SNX29: variants seen among roughly 807,000 people sequenced by gnomAD.
The protein encoded by SNX29 is sorting nexin-29.
A neutral mutation model predicts 102.1 loss-of-function variants in SNX29; 78 were observed. That is an observed-to-expected ratio of 0.76 (90% CI 0.64 to 0.92). SNX29 has a LOEUF of 0.92. Ranked by LOEUF, SNX29 falls within the 40% of genes least tolerant of loss-of-function variation. SNX29 has a pLI of 0.00. For missense variants in SNX29, 1,280 were observed against 1,061.7 expected (o/e 1.21, Z -2.86); for synonymous variants, 580 against 414.5 (o/e 1.40, Z -4.85).
chr16:12,042,167 A>T (rs908241385), intron 4 of SNX29, among the ~76,000 whole-genome samples: 3 of 152,036 alleles, frequency 2.0e-5, no homozygotes, highest in African/African-American at 7.2e-5. Flanking sequence ...GGTAGGTGGG[A>T]TTACAGGTGT....
intron 20 of SNX29, 109 bp downstream of exon 20, chr16:12,524,950 A>G (rs952790606): frequency 5.4e-6 from 8 of 1,474,828 alleles, no homozygotes; most frequent in South Asian, 5.3e-5. Flanking sequence ...CCTGATCGCC[A>G]TGGGACCCAG....
At chr16:12,012,672 G>T (rs2056693409) in intron 3 of SNX29, among the ~76,000 whole-genome samples, 1 of 152,102 alleles carries the variant, frequency 6.6e-6, no homozygotes, top group Non-Finnish European at 1.5e-5. Flanking sequence ...CTCCCAAAGT[G>T]CTGGGATTAC....
At chr16:12,203,098 G>A (rs374917408) in intron 14 of SNX29, among the ~76,000 whole-genome samples, 5 of 149,446 alleles carry the variant, frequency 3.3e-5, no homozygotes, top group African/African-American at 1.3e-4. Flanking sequence ...GTGTAGTGTG[G>A]CCCCATTCTC....
intron 15 of SNX29, among the ~76,000 whole-genome samples, chr16:12,348,003 C>T (rs1259917570): frequency 6.6e-6 from 1 of 152,002 alleles, no homozygotes; most frequent in Admixed American, 6.5e-5. Flanking sequence ...TGCTTGAACC[C>T]AGGAGGTCGA....
chr16:12,552,357 C>G (rs1310060087), intron 20 of SNX29, among the ~76,000 whole-genome samples: 2 of 152,104 alleles, frequency 1.3e-5, no homozygotes, highest in East Asian at 1.9e-4. Context: ...GTTTAATAAG[C>G]CAATACACGT....
In SNX29 at chr16:12,295,166, T is replaced by C. The variant is rs566600395; in HGVS notation, c.1782+17130T>C. ...GAATTATGGGAGCTACAAGTCAAGATGAGATTTGGGCCGGGGCACACCTAA... is the reference window on the plus strand; with the variant it reads ...GAATTATGGGAGCTACAAGTCAAGACGAGATTTGGGCCGGGGCACACCTAA... On this transcript the variant is annotated intron_variant, in intron 15 of 20. Transcript: ENST00000566228. 5.3e-5 allele frequency among the ~76,000 whole-genome samples: 8 copies of C among 152,344 alleles called. No individual in the cohort carries two copies. In the South Asian group the frequency reaches 1.2e-3, roughly 24 times the overall value.
chr16:12,087,471 T>C (rs2151383131), intron 11 of SNX29: 1 of 227,512 alleles, frequency 4.4e-6, no homozygotes, highest in African/African-American at 2.2e-5. Context: ...GTGGCACATG[T>C]CTGTGGACTC....
rs781168749 is a variant in SNX29 at position 12,573,333 on chromosome 16, A to T, written c.*4704A>T. 4.4e-6 allele frequency: 1 copy of T among 225,830 alleles called. No individual in the cohort carries two copies. Among genetic ancestry groups the T allele is most frequent in the African/African-American group, 2.2e-5 (1 of 45,048 alleles). 14.0% of individuals were successfully genotyped at this position (225,830 alleles called of 1,614,324 possible). ...CGATTTGGGTACTCTGAATTATGTC[A>T]TGGAGTAGACAGTTACTTCTAAATC... On this transcript the variant is annotated 3_prime_UTR_variant, in exon 21 of 21. Coordinates refer to ENST00000566228, the MANE Select transcript of SNX29 (RefSeq NM_032167.5).
At chr16:12,492,286 A>G (rs376781979) in intron 19 of SNX29, among the ~76,000 whole-genome samples, 8 of 152,162 alleles carry the variant, frequency 5.3e-5, no homozygotes, top group African/African-American at 1.7e-4. Flanking sequence ...GCCAGTGATG[A>G]TGAGCATTTT....
At chr16:12,515,125 G>C (rs931049152) in intron 19 of SNX29, among the ~76,000 whole-genome samples, 1 of 152,136 alleles carries the variant, frequency 6.6e-6, no homozygotes, top group Non-Finnish European at 1.5e-5. Context: ...ACATAGTCCT[G>C]TGGGAGGGCT....
intron 13 of SNX29, among the ~76,000 whole-genome samples, chr16:12,196,625 T>TC (rs1203728357): frequency 2.7e-4 from 40 of 146,796 alleles, no homozygotes; most frequent in African/African-American, 8.4e-4. Context: ...CTTTTTTCTT[T>TC]TTTTTTTTTT....
intron 15 of SNX29, among the ~76,000 whole-genome samples, chr16:12,291,131 T>C (rs762996333): frequency 3.9e-5 from 6 of 152,170 alleles, no homozygotes; most frequent in Non-Finnish European, 8.8e-5. Flanking sequence ...TCTCTCTCTT[T>C]AGTGCTTTCC....
intron 18 of SNX29, among the ~76,000 whole-genome samples, chr16:12,459,385 T>A (rs2086680460): frequency 6.6e-6 from 1 of 151,536 alleles, no homozygotes; most frequent in Non-Finnish European, 1.5e-5. Context: ...TGCAGGACTT[T>A]GATTTTCCCA....
intron 18 of SNX29, among the ~76,000 whole-genome samples, chr16:12,403,856 C>T (rs1597254935): frequency 1.3e-5 from 2 of 152,184 alleles, no homozygotes; most frequent in Non-Finnish European, 1.5e-5. Context: ...GGGCCTTGGG[C>T]ATGGCTGGAC....
At chr16:12,153,120 G>A (rs8060517) in intron 13 of SNX29, among the ~76,000 whole-genome samples, 20,962 of 152,194 alleles carry the variant, frequency 0.14, 2,547 homozygotes, top group African/African-American at 0.33. Context: ...AAAAAGAGCT[G>A]GGCACTGTGG....
At chr16:12,202,717 C>G (rs558533643) in intron 14 of SNX29, among the ~76,000 whole-genome samples, 4 of 152,236 alleles carry the variant, frequency 2.6e-5, no homozygotes, top group Non-Finnish European at 4.4e-5. Context: ...CTTTCACTTA[C>G]GAGAGCAGGA....
intron 16 of SNX29, among the ~76,000 whole-genome samples, chr16:12,380,939 A>C (rs1368022637): frequency 4.0e-4 from 10 of 25,310 alleles, no homozygotes; most frequent in African/African-American, 3.5e-3. Flanking sequence ...TCCATCCACC[A>C]TCCATCCATC....
intron 11 of SNX29, among the ~76,000 whole-genome samples, chr16:12,106,869 GC>G (rs899229523): frequency 6.6e-5 from 10 of 152,030 alleles, no homozygotes; most frequent in Middle Eastern, 3.4e-3. Context: ...AGGCTGCAGT[GC>G]AGTGGCACGA....
chr16:12,223,333 G>A (rs978557090), intron 14 of SNX29, among the ~76,000 whole-genome samples: 6 of 152,074 alleles, frequency 3.9e-5, no homozygotes, highest in African/African-American at 1.2e-4. Flanking sequence ...TGAGACCATC[G>A]TGGCCAACAT....
Sources: allele counts gnomAD v4.1 joint callset (sites outside exome capture counted in the v4.1 genomes callset), GRCh38; gene constraint gnomAD v4.1.1; transcripts MANE v1.5; gene names NCBI Gene and HGNC (gene_info 2026-07-23, HGNC 2026-07-21).